TRPV1: variants seen among roughly 807,000 people sequenced by gnomAD.
TRPV1 encodes the protein OTRPC1.
TRPV1 carries 82 observed loss-of-function variants against 82.3 expected under a neutral mutation model. The observed-to-expected ratio is 1.00, with a 90% CI of 0.83 to 1.20. The LOEUF (loss-of-function observed/expected upper bound fraction) is 1.20. TRPV1 is among the 50% of genes most tolerant of loss of function. The pLI is 0.00. For synonymous variants in TRPV1, 515 were observed against 467.7 expected (o/e 1.10, Z -1.30); for missense variants, 1,067 against 1,096.8 (o/e 0.97, Z 0.38).
Position 3,590,325 on chromosome 17 carries a change from G to A in TRPV1, c.672C>T (p.Asn224=), listed in dbSNP as rs200440947. ...GGGCCGCAGCCTGGACGTCTGCTCC[G>A]TTCTCCACCAGGAGGGTCACCAGGG... ...NMALVTLLVE[N]GADVQAAAHG... The change falls in exon 6 of 17, where the codon AAC becomes AAT. Residue 224 remains asparagine, a synonymous_variant. Coordinates refer to ENST00000572705, the MANE Select transcript of TRPV1 (RefSeq NM_080704.4). 30 of 1,613,852 alleles carry A rather than the reference G, an allele frequency of 1.9e-5. No individual in the cohort carries two copies. In the African/African-American group the frequency reaches 2.0e-4, roughly 11 times the overall value.
chr17:3,596,287 TGC>T (rs2075219127), intron 2 of TRPV1, among the ~76,000 whole-genome samples: 1 of 141,684 alleles, frequency 7.1e-6, no homozygotes, highest in Admixed American at 6.6e-5. Context: ...CTCCTCTCTC[TGC>T]CCAAAGCATC....
chr17:3,605,140 T>C (rs1379184047), intron 2 of TRPV1, among the ~76,000 whole-genome samples: 1 of 152,190 alleles, frequency 6.6e-6, no homozygotes, highest in African/African-American at 2.4e-5. Context: ...AGCACTGTGA[T>C]CTCAGGTAAG....
intron 2 of TRPV1, among the ~76,000 whole-genome samples, chr17:3,599,931 T>C (rs2075249277): frequency 6.6e-6 from 1 of 152,334 alleles, no homozygotes; most frequent in East Asian, 1.9e-4. Flanking sequence ...CCTTCCTTTT[T>C]AAGGCTGAGT....
At chr17:3,603,599 G>A (rs1329687510) in intron 2 of TRPV1, among the ~76,000 whole-genome samples, 5 of 152,146 alleles carry the variant, frequency 3.3e-5, no homozygotes, top group Admixed American at 6.5e-5. Flanking sequence ...AATGGGCTCT[G>A]AGCCTGGTAA....
At chr17:3,588,498 T>A in intron 7 of TRPV1, 131 bp from the exon 8 acceptor site, 1 of 1,005,784 alleles carries the variant, frequency 9.9e-7, no homozygotes, top group Non-Finnish European at 1.4e-6. Flanking sequence ...CCCCACCCAC[T>A]CCTGACCACC....
chr17:3,609,056 T>C (rs980052985), intron 1 of TRPV1: 12 of 152,258 alleles, frequency 7.9e-5, no homozygotes, highest in African/African-American at 2.9e-4. Flanking sequence ...CACGCCCGGC[T>C]TGTATTTTTA....
intron 11 of TRPV1, chr17:3,578,335 CAAATAAAT>C (rs139192333): frequency 1.3e-5 from 1 of 75,892 alleles, no homozygotes; most frequent in Admixed American, 1.2e-4. Flanking sequence ...AATAAATAAA[CAAATAAAT>C]AAATAAATAA....
intron 13 of TRPV1, among the ~76,000 whole-genome samples, chr17:3,574,174 G>A (rs1048318155): frequency 9.9e-5 from 15 of 152,164 alleles, no homozygotes; most frequent in African/African-American, 3.6e-4. Flanking sequence ...GTCTCTATGT[G>A]CAATGTGAAT....
At chr17:3,592,003 C>T (rs2075164213) in intron 3 of TRPV1, 64 bp downstream of exon 3, 9 of 1,563,818 alleles carry the variant, frequency 5.8e-6, no homozygotes, top group Non-Finnish European at 6.0e-6. Context: ...GCCAGACCAC[C>T]CTGTGGCATC....
intron 16 of TRPV1, among the ~76,000 whole-genome samples, chr17:3,569,029 ACAC>A (rs1240236055): frequency 6.6e-6 from 1 of 151,842 alleles, no homozygotes; most frequent in African/African-American, 2.4e-5. Context: ...AAAAAACGAA[ACAC>A]CACATGTTCT....
At chr17:3,605,782 G>C (rs759668558) in intron 2 of TRPV1, among the ~76,000 whole-genome samples, 1 of 151,890 alleles carries the variant, frequency 6.6e-6, no homozygotes, top group Non-Finnish European at 1.5e-5. Flanking sequence ...GAAATTCAAC[G>C]GGGGGCAGTC....
intron 2 of TRPV1, among the ~76,000 whole-genome samples, chr17:3,597,697 A>T (rs1446518102): frequency 7.2e-6 from 1 of 138,430 alleles, no homozygotes; most frequent in Non-Finnish European, 1.5e-5. Flanking sequence ...TTTTTGAGAC[A>T]GAGTCTTACT....
chr17:3,588,092 C>T, intron 8 of TRPV1, 96 bp downstream of exon 8: 3 of 1,428,910 alleles, frequency 2.1e-6, no homozygotes, highest in Non-Finnish European at 2.8e-6. Flanking sequence ...CAGGCTTTCC[C>T]TCCTGAGAAG....
chr17:3,567,064 A>C (rs2150819597), intron 16 of TRPV1, 77 bp from the exon 17 acceptor site: 1 of 1,537,802 alleles, frequency 6.5e-7, no homozygotes, highest in Admixed American at 1.9e-5. Flanking sequence ...TCTCCAGATA[A>C]AAGGAGGTCC....
chr17:3,566,873 G>T lies in TRPV1; in HGVS notation c.2462C>A (p.Ser821Tyr). Residue 821 changes from serine (S) to tyrosine (Y), a missense_variant, in exon 17 of 17, where the codon TCT becomes TAT. Transcript: ENST00000572705. ...GACCTCAGCGTCCTCTGGCTTCAGA[G>T]ACCCTGAAAACTGTCGCAGATAAAC... ...EEVYLRQFSG[S>Y]LKPEDAEVFK... 6 of 1,614,030 alleles carry T rather than the reference G, an allele frequency of 3.7e-6. No homozygotes were observed. The highest frequency in any genetic ancestry group is 5.1e-6 in the Non-Finnish European group (6 of 1,179,896).
chr17:3,575,803 C>A (rs78783383), intron 13 of TRPV1, among the ~76,000 whole-genome samples: 166 of 152,196 alleles, frequency 1.1e-3, no homozygotes, highest in African/African-American at 3.9e-3. Context: ...AAAATGCATG[C>A]CTGGCTATAA....
chr17:3,576,666 A>ATATAT (rs1357194535), intron 13 of TRPV1, among the ~76,000 whole-genome samples: 4 of 37,900 alleles, frequency 1.1e-4, no homozygotes, highest in East Asian at 2.3e-3. Flanking sequence ...AAAAAAAAAA[A>ATATAT]AAATATATAT....
intron 7 of TRPV1, 96 bp from the exon 8 acceptor site, chr17:3,588,463 G>T: frequency 7.2e-7 from 1 of 1,393,848 alleles, no homozygotes; most frequent in Non-Finnish European, 9.7e-7. Flanking sequence ...CCCAGCTGGT[G>T]GCCCCACCTA....
chr17:3,582,004 C>T (rs12947515), intron 10 of TRPV1, among the ~76,000 whole-genome samples: 2 of 145,408 alleles, frequency 1.4e-5, no homozygotes, highest in Non-Finnish European at 3.0e-5. Flanking sequence ...TCCTGGCTAA[C>T]ACGGTGAAAC....
Sources: gnomAD v4.1 joint callset for allele counts (sites outside exome capture counted in the v4.1 genomes callset) on GRCh38, gnomAD v4.1.1 for gene constraint, MANE v1.5 for transcripts, NCBI Gene and HGNC (gene_info 2026-07-23, HGNC 2026-07-21) for gene names.